RBPMS2: variants seen among roughly 807,000 people sequenced by gnomAD.
The protein encoded by RBPMS2 is RNA binding protein, mRNA processing factor 2, also known as RNA-binding protein with multiple splicing 2.
RBPMS2 carries 14 observed loss-of-function variants against 25.7 expected under a neutral mutation model. The ratio of observed to expected loss-of-function variants is 0.55; its 90% CI spans 0.36 to 0.85. The LOEUF (loss-of-function observed/expected upper bound fraction) is 0.85. RBPMS2 is among the 40% of genes least tolerant of loss of function. RBPMS2 has a pLI of 0.01. For synonymous variants in RBPMS2, 127 were observed against 115.6 expected, an observed-to-expected ratio of 1.10 and a Z score of -0.63; for missense variants, 252 against 283.4, an observed-to-expected ratio of 0.89 and a Z score of 0.80.
intron 1 of RBPMS2, among the ~76,000 whole-genome samples, chr15:64,756,935 T>C (rs952585913): frequency 2.7e-5 from 4 of 149,478 alleles, no homozygotes; most frequent in African/African-American, 9.8e-5. Flanking sequence ...CCCAAAGTAC[T>C]GGCATTATAA....
At chr15:64,775,197 C>A in intron 1 of RBPMS2, 36 bp downstream of exon 1, 1 of 1,160,710 alleles carries the variant, frequency 8.6e-7, no homozygotes. Context: ...GCCTGGCGTG[C>A]GCTTCACCCG....
At chr15:64,762,583 C>A in intron 1 of RBPMS2, 1 of 500,898 alleles carries the variant, frequency 2.0e-6, no homozygotes, top group Admixed American at 2.2e-5. Context: ...TCAGAAGATA[C>A]CCACTGACGA....
chr15:64,741,011 G>A lies in RBPMS2; in HGVS notation c.*8-11C>T, dbSNP rs913509575. 2 of 574,466 alleles carry A rather than the reference G, an allele frequency of 3.5e-6. No individual in the cohort carries two copies. Among genetic ancestry groups the A allele is most frequent in the Non-Finnish European group, 6.2e-6 (2 of 320,948 alleles). The allele number at this position is 574,466 out of a possible 1,614,324, so 35.6% of individuals were successfully genotyped here. A position where few individuals can be genotyped will look rare whatever the true frequency, so the allele number is the denominator to read the frequency against. ...CCCCGGTGACCAGACCTGGAGGGAGGGAGAGAGGCGGCCGTGAGCAGAGGC... is the reference window on the plus strand; with the variant it reads ...CCCCGGTGACCAGACCTGGAGGGAGAGAGAGAGGCGGCCGTGAGCAGAGGC... On this transcript the variant is annotated splice_polypyrimidine_tract_variant and intron_variant, in intron 7 of 7. Transcript: ENST00000300069.
At chr15:64,751,493 G>T in intron 2 of RBPMS2, 68 bp downstream of exon 2, 1 of 1,396,486 alleles carries the variant, frequency 7.2e-7, no homozygotes, top group Non-Finnish European at 1.0e-6. Context: ...TGCCCGACCC[G>T]AGATTCACTC....
At chr15:64,772,883 A>C (rs2083902235) in intron 1 of RBPMS2, among the ~76,000 whole-genome samples, 1 of 152,120 alleles carries the variant, frequency 6.6e-6, no homozygotes, top group Non-Finnish European at 1.5e-5. Context: ...CAGAAAGAAA[A>C]CTTAATGCGT....
chr15:64,742,759 A>G (rs1437285317), intron 6 of RBPMS2, among the ~76,000 whole-genome samples: 1 of 152,146 alleles, frequency 6.6e-6, no homozygotes, highest in East Asian at 1.9e-4. Context: ...AAAGGAGTAG[A>G]AGCTGGGCCT....
intron 1 of RBPMS2, among the ~76,000 whole-genome samples, chr15:64,759,964 C>T (rs913597280): frequency 2.6e-5 from 4 of 152,212 alleles, no homozygotes; most frequent in Non-Finnish European, 5.9e-5. Flanking sequence ...TGAGCCACCG[C>T]GCCAGGCCTA....
At position 64,749,060 on chromosome 15, in the gene RBPMS2, T is replaced by C. The variant is rs139844024; in HGVS notation, c.358A>G (p.Thr120Ala). 1.2e-6 allele frequency: 2 copies of C among 1,614,060 alleles called. No homozygotes were observed. The highest frequency in any genetic ancestry group is 1.7e-6 in the Non-Finnish European group (2 of 1,179,982). ...TKMAKSKLMA[T>A]PNPSNVHPAL... ...GGGTGCACGTTGCTGGGATTTGGAG[T>C]TGCCATTAGCTTGCTCTTGGCCATC... is the stretch of plus-strand genomic sequence containing the variant. Residue 120 changes from threonine (T) to alanine (A), a missense_variant, in exon 5 of 8, where the codon ACT (threonine) becomes GCT (alanine). Physicochemically the swap from Thr to Ala is moderately conservative, Grantham distance 58. Coordinates refer to ENST00000300069, the MANE Select transcript of RBPMS2 (RefSeq NM_194272.3).
chr15:64,743,280 C>T (rs1043815305), intron 6 of RBPMS2, among the ~76,000 whole-genome samples: 1 of 152,192 alleles, frequency 6.6e-6, no homozygotes, highest in Non-Finnish European at 1.5e-5. Context: ...TGCCTAAGGC[C>T]GCCCTCAGCA....
chr15:64,754,093 T>C (rs2083709202), intron 1 of RBPMS2, among the ~76,000 whole-genome samples: 1 of 152,098 alleles, frequency 6.6e-6, no homozygotes, highest in South Asian at 2.1e-4. Context: ...GGTGGATCAC[T>C]TGAGGTCAAG....
chr15:64,751,535 CA>C (rs2083680724), intron 2 of RBPMS2, 25 bp downstream of exon 2: 1 of 1,606,572 alleles, frequency 6.2e-7, no homozygotes. Flanking sequence ...AGGCTCTACC[CA>C]GGGGGCGGCT....
At chr15:64,766,586 C>A (rs763490666) in intron 1 of RBPMS2, among the ~76,000 whole-genome samples, 1 of 151,362 alleles carries the variant, frequency 6.6e-6, no homozygotes, top group African/African-American at 2.4e-5. Flanking sequence ...GACTGCATGA[C>A]GCAATCTCAG....
chr15:64,740,990 G>A lies in RBPMS2; in HGVS notation c.*18C>T, dbSNP rs1041885129. The A allele has an allele frequency of 5.5e-5, 30 of 541,714 alleles. No individual in the cohort carries two copies. The Admixed American group carries it at 5.7e-4, about 10-fold the overall frequency. 33.6% of individuals were successfully genotyped at this position (541,714 alleles called of 1,614,324 possible). Reference sequence around the variant, plus strand: ...CACAGATTACCAGAACCACCTCCCCGGTGACCAGACCTGGAGGGAGGGAGA... The same window carrying A: ...CACAGATTACCAGAACCACCTCCCCAGTGACCAGACCTGGAGGGAGGGAGA... On this transcript the variant is annotated 3_prime_UTR_variant, in exon 8 of 8. Coordinates refer to ENST00000300069, the MANE Select transcript of RBPMS2 (RefSeq NM_194272.3).
intron 6 of RBPMS2, among the ~76,000 whole-genome samples, chr15:64,746,201 T>C (rs2083617002): frequency 6.6e-6 from 1 of 152,074 alleles, no homozygotes; most frequent in Admixed American, 6.6e-5. Flanking sequence ...AACTAATGAC[T>C]CCCTGGTCTA....
At chr15:64,750,422 G>C (rs563396688) in intron 2 of RBPMS2, 41 bp from the exon 3 acceptor site, 11 of 1,583,338 alleles carry the variant, frequency 6.9e-6, no homozygotes, top group Non-Finnish European at 9.5e-6. Context: ...GGTCAGAAGC[G>C]TATGTTGTGC....
chr15:64,761,348 T>C (rs534409945), intron 1 of RBPMS2: 2 of 152,318 alleles, frequency 1.3e-5, no homozygotes, highest in Admixed American at 1.3e-4. Flanking sequence ...ACATCTGAGC[T>C]GGAAGAAACC....
chr15:64,756,672 C>T (rs1173980229), intron 1 of RBPMS2, among the ~76,000 whole-genome samples: 1 of 146,678 alleles, frequency 6.8e-6, no homozygotes, highest in Non-Finnish European at 1.5e-5. Flanking sequence ...TATGGAGTCT[C>T]GCTCTGTTGC....
At chr15:64,752,026 G>A (rs1387646958) in intron 1 of RBPMS2, among the ~76,000 whole-genome samples, 2 of 149,724 alleles carry the variant, frequency 1.3e-5, no homozygotes, top group Middle Eastern at 3.4e-3. Flanking sequence ...CTGCAGTGGC[G>A]TGATCTCAGC....
At chr15:64,774,708 G>A (rs942203875) in intron 1 of RBPMS2, among the ~76,000 whole-genome samples, 8 of 117,178 alleles carry the variant, frequency 6.8e-5, no homozygotes, top group South Asian at 3.0e-4. Flanking sequence ...CCACCCCCAT[G>A]ACAACAGCTC....
Sources: gnomAD v4.1 joint callset for allele counts (sites outside exome capture counted in the v4.1 genomes callset) on GRCh38, gnomAD v4.1.1 for gene constraint, MANE v1.5 for transcripts, NCBI Gene and HGNC (gene_info 2026-07-23, HGNC 2026-07-21) for gene names.